Variants in GSTT4 observed in about 807,000 individuals in gnomAD.
GSTT4 encodes the protein glutathione S-transferase theta-4.
At chr22:24,002,034 A>T (rs2034241317) in intron 2 of GSTT4, among the ~76,000 whole-genome samples, 1 of 152,250 alleles carries the variant, frequency 6.6e-6, no homozygotes, top group African/African-American at 2.4e-5. Flanking sequence ...ACGAGGGTAA[A>T]GGGAGCAAGG....
chr22:23,993,241 T>TTAA, the GSTT4 span, among the ~76,000 whole-genome samples: 1 of 152,100 alleles, frequency 6.6e-6, no homozygotes, highest in East Asian at 1.9e-4. Flanking sequence ...TCTCTCTTGT[T>TTAA]TTTTAGAGAC....
chr22:23,997,889 C>CT (rs1314073698), downstream of GSTT4, among the ~76,000 whole-genome samples: 1 of 152,162 alleles, frequency 6.6e-6, no homozygotes, highest in Non-Finnish European at 1.5e-5. Context: ...GTTCAGGATA[C>CT]TTTTTGATGT....
At chr22:23,992,258 C>T in the GSTT4 span, among the ~76,000 whole-genome samples, 2 of 141,526 alleles carry the variant, frequency 1.4e-5, no homozygotes, top group African/African-American at 5.2e-5. Context: ...CTAACGCCTC[C>T]CCGAGATGGC....
intron 1 of GSTT4, chr22:24,004,712 C>A: frequency 6.5e-6 from 1 of 154,022 alleles, no homozygotes. Context: ...GTTCCTTCCC[C>A]CTTCTCCTCG....
At chr22:23,993,804 G>A (rs1168922344), downstream of GSTT4, among the ~76,000 whole-genome samples, 2 of 151,856 alleles carry the variant, frequency 1.3e-5, no homozygotes, top group African/African-American at 4.8e-5. Context: ...ATACAACATG[G>A]CTGCCTTCCA....
downstream of GSTT4, among the ~76,000 whole-genome samples, chr22:23,995,798 GC>G (rs1319438282): frequency 1.3e-5 from 2 of 152,116 alleles, no homozygotes; most frequent in Non-Finnish European, 2.9e-5. Context: ...TTGAAATGTT[GC>G]TTTTCTTTGG....
downstream of GSTT4, among the ~76,000 whole-genome samples, chr22:23,997,937 G>C (rs1330223685): frequency 1.3e-5 from 2 of 152,336 alleles, no homozygotes; most frequent in East Asian, 3.9e-4. Flanking sequence ...TGTTGTTTAA[G>C]AGTGTGCTGT....
At chr22:23,997,860 T>A (rs973039656), downstream of GSTT4, among the ~76,000 whole-genome samples, 3 of 152,192 alleles carry the variant, frequency 2.0e-5, no homozygotes, top group African/African-American at 7.2e-5. Flanking sequence ...CTGGGCATGT[T>A]GTGTTTTCAT....
At chr22:23,992,964 G>C in the GSTT4 span, among the ~76,000 whole-genome samples, 6 of 80,298 alleles carry the variant, frequency 7.5e-5, no homozygotes, top group African/African-American at 2.5e-4. Flanking sequence ...GTAGAGACGG[G>C]GTCGCACTTT....
In GSTT4 at chr22:23,998,781, C is replaced by T. The variant is rs568011425; in HGVS notation, c.529-42G>A. The T allele has an allele frequency of 9.9e-4, 153 of 154,928 alleles. 2 individuals carry two copies. In the South Asian group the frequency reaches 0.029, roughly 30 times the overall value. 9.6% of individuals were successfully genotyped at this position (154,928 alleles called of 1,614,324 possible). A position where few individuals can be genotyped will look rare whatever the true frequency, so the allele number is the denominator to read the frequency against. On this transcript the variant is annotated intron_variant, in intron 4 of 4. Coordinates refer to ENST00000621179, the MANE Select transcript of GSTT4 (RefSeq NM_001358664.2). ...ACAAAGACGTGGTCAGCCTGGGGAC[C>T]AGCCCCACCTGGGTCCTCTCCCACA...
chr22:23,995,246 C>A (rs1422384612), downstream of GSTT4, among the ~76,000 whole-genome samples: 1 of 137,574 alleles, frequency 7.3e-6, no homozygotes, highest in African/African-American at 2.7e-5. Context: ...GATTCTCCTG[C>A]CTCAGCCTCC....
At chr22:23,992,862 C>A in the GSTT4 span, among the ~76,000 whole-genome samples, 1 of 151,608 alleles carries the variant, frequency 6.6e-6, no homozygotes, top group African/African-American at 2.4e-5. Flanking sequence ...ACTGCAGCCT[C>A]GACCTGGGCT....
intron 3 of GSTT4, among the ~76,000 whole-genome samples, chr22:24,000,452 A>C (rs1431673567): frequency 6.9e-6 from 1 of 144,864 alleles, no homozygotes. Flanking sequence ...CTCAGCAGGC[A>C]TAAGTCCTGT....
chr22:24,002,542 A>G (rs939786767), intron 2 of GSTT4, among the ~76,000 whole-genome samples: 2 of 152,238 alleles, frequency 1.3e-5, no homozygotes, highest in African/African-American at 2.4e-5. Context: ...AAGACTCAGA[A>G]CTTCTTGGCT....
In GSTT4 at chr22:24,005,419, G is replaced by A. The variant is rs1569042453; in HGVS notation, c.-63C>T. The A allele has an allele frequency of 6.5e-6, 1 of 153,292 alleles. No individual in the cohort carries two copies. 9.5% of individuals were successfully genotyped at this position (153,292 alleles called of 1,614,324 possible). A position where few individuals can be genotyped will look rare whatever the true frequency, so the allele number is the denominator to read the frequency against. On this transcript the variant is annotated 5_prime_UTR_variant, in exon 1 of 5. Transcript: ENST00000621179. ...CAGCCACAGACCTGGGCCTATGTCT[G>A]GCCAGAGTCCCTGGCCCTGTGCCCT...
intron 2 of GSTT4, among the ~76,000 whole-genome samples, chr22:24,002,357 G>A (rs1601576726): frequency 6.6e-6 from 1 of 152,272 alleles, no homozygotes; most frequent in South Asian, 2.1e-4. Flanking sequence ...GGATGGAGGG[G>A]AGACATGCTT....
chr22:23,996,441 T>C (rs558163820), downstream of GSTT4, among the ~76,000 whole-genome samples: 1 of 150,804 alleles, frequency 6.6e-6, no homozygotes, highest in Non-Finnish European at 1.5e-5. Flanking sequence ...GGGGAAACGC[T>C]TGATCTTTCA....
intron 1 of GSTT4, chr22:24,004,633 T>A (rs1168101767): frequency 3.3e-5 from 5 of 153,286 alleles, no homozygotes; most frequent in Non-Finnish European, 2.9e-5. Context: ...AGGTGCTGAG[T>A]TCACAAGGTC....
downstream of GSTT4, among the ~76,000 whole-genome samples, chr22:23,995,803 T>A (rs540602560): frequency 5.3e-5 from 8 of 152,300 alleles, no homozygotes; most frequent in Non-Finnish European, 1.0e-4. Flanking sequence ...ATGTTGCTTT[T>A]CTTTGGTTAA....
Sources: allele counts gnomAD v4.1 joint callset (sites outside exome capture counted in the v4.1 genomes callset), GRCh38; gene constraint gnomAD v4.1.1; transcripts MANE v1.5; gene names NCBI Gene and HGNC (gene_info 2026-07-23, HGNC 2026-07-21).